The following CCDC125 variants were observed in gnomAD, a reference collection of about 807,000 sequenced individuals.
CCDC125 encodes coiled-coil domain containing 125.
In CCDC125, 43 loss-of-function variants were observed where a neutral mutation model predicts 57.4. That is an observed-to-expected ratio of 0.75 (90% confidence interval 0.59 to 0.97). The LOEUF is 0.97. CCDC125 is among the 50% of genes least tolerant of loss of function. The probability of loss-of-function intolerance (pLI) is 0.00; values close to 1 mark genes in which losing one functional copy is unlikely to be tolerated. For synonymous variants in CCDC125, 187 were observed against 195.2 expected (o/e 0.96, Z 0.35); for missense variants, 563 against 595.7 (o/e 0.95, Z 0.57).
chr5:69,282,647 A>C lies in CCDC125; in HGVS notation c.*82T>G. The C allele has an allele frequency of 8.3e-7, 1 of 1,198,144 alleles. No homozygotes were observed. Among genetic ancestry groups the C allele is most frequent in the Non-Finnish European group, 1.2e-6 (1 of 853,972 alleles). The allele number at this position is 1,198,144 out of a possible 1,614,324, so 74.2% of individuals were successfully genotyped here. ...TACCTAGGAAACATACAACTTCTCAAGATGCAGCAAAATTTACAAAATCAT... is the reference window on the plus strand; with the variant it reads ...TACCTAGGAAACATACAACTTCTCACGATGCAGCAAAATTTACAAAATCAT... On this transcript the variant is annotated 3_prime_UTR_variant, in exon 12 of 12. Coordinates refer to ENST00000396496, the MANE Select transcript of CCDC125 (RefSeq NM_176816.5).
chr5:69,288,433 G>A (rs1029527674), intron 10 of CCDC125, among the ~76,000 whole-genome samples: 13 of 152,118 alleles, frequency 8.5e-5, no homozygotes, highest in Admixed American at 6.6e-4. Context: ...TCCATGTAAT[G>A]AAGCCTCCAT....
At chr5:69,286,464 C>T (rs907056525) in intron 10 of CCDC125, among the ~76,000 whole-genome samples, 6 of 151,246 alleles carry the variant, frequency 4.0e-5, no homozygotes, top group African/African-American at 1.5e-4. Context: ...GATCTCCTGA[C>T]CTCATGATTC....
chr5:69,309,571 G>T (rs528832969), intron 4 of CCDC125: 26 of 152,392 alleles, frequency 1.7e-4, no homozygotes, highest in African/African-American at 6.3e-4. Context: ...TGTCCAGGCA[G>T]AAGTTTCCTG....
At chr5:69,319,686 T>C (rs1322410769) in intron 2 of CCDC125, among the ~76,000 whole-genome samples, 1 of 151,380 alleles carries the variant, frequency 6.6e-6, no homozygotes. Flanking sequence ...TTTCACCATG[T>C]TGGCCAGGAT....
chr5:69,316,702 GT>G (rs1490426427), intron 2 of CCDC125, among the ~76,000 whole-genome samples: 1 of 152,108 alleles, frequency 6.6e-6, no homozygotes, highest in African/African-American at 2.4e-5. Context: ...TTTGTGGAGT[GT>G]GGTCTTTCTA....
Position 69,320,309 on chromosome 5 carries a change from T to C in CCDC125, c.232A>G (p.Lys78Glu). 6.2e-7 allele frequency: 1 copy of C among 1,614,142 alleles called. No individual in the cohort carries two copies. The highest frequency in any genetic ancestry group is 8.5e-7 in the Non-Finnish European group (1 of 1,179,998). ...ERNEASFQYS[K>E]HKSQQDTFPQ... ...AATGTATCTTGCTGGCTCTTATGCT[T>C]GGAATACTGAAAACTCGCTTCATTT... Residue 78 changes from lysine to glutamate, a missense_variant, in exon 2 of 12, where the codon AAG (lysine) becomes GAG (glutamate). Coordinates refer to ENST00000396496, the MANE Select transcript of CCDC125 (RefSeq NM_176816.5).
intron 10 of CCDC125, 138 bp downstream of exon 10, chr5:69,292,050 G>T: frequency 1.3e-6 from 1 of 772,590 alleles, no homozygotes; most frequent in Non-Finnish European, 2.0e-6. Context: ...TAGTTGCTAA[G>T]TTTTTAAGTA....
chr5:69,309,891 G>A (rs1757886382), intron 4 of CCDC125: 1 of 152,316 alleles, frequency 6.6e-6, no homozygotes, highest in Non-Finnish European at 1.5e-5. Context: ...CTGGATGTGA[G>A]ACCTGGAGTC....
At chr5:69,332,542 T>C (rs948749318) in intron 1 of CCDC125, 107 bp downstream of exon 1, 9 of 152,254 alleles carry the variant, frequency 5.9e-5, no homozygotes, top group African/African-American at 2.2e-4. Context: ...GCCATTAAAC[T>C]GGCATTCAGG....
intron 1 of CCDC125, among the ~76,000 whole-genome samples, chr5:69,331,351 G>T (rs1761396052): frequency 6.6e-6 from 1 of 151,766 alleles, no homozygotes; most frequent in South Asian, 2.1e-4. Context: ...TCCTGCCTCA[G>T]CCTCCCCAGT....
intron 8 of CCDC125, among the ~76,000 whole-genome samples, chr5:69,297,631 T>G (rs1416993723): frequency 1.3e-5 from 2 of 151,300 alleles, no homozygotes; most frequent in Non-Finnish European, 2.9e-5. Context: ...AGTGCTGGGA[T>G]TACAGGCGTT....
intron 8 of CCDC125, among the ~76,000 whole-genome samples, chr5:69,295,691 C>G (rs1755193074): frequency 6.6e-6 from 1 of 152,196 alleles, no homozygotes; most frequent in African/African-American, 2.4e-5. Context: ...GCTGTTACAT[C>G]TTCAGTGTGG....
intron 10 of CCDC125, among the ~76,000 whole-genome samples, chr5:69,291,150 T>TA (rs1754391245): frequency 6.6e-6 from 1 of 152,218 alleles, no homozygotes. Context: ...TCTCAACTGA[T>TA]AAATGGTTTC....
At chr5:69,297,706 G>A (rs953920384) in intron 8 of CCDC125, among the ~76,000 whole-genome samples, 1 of 151,038 alleles carries the variant, frequency 6.6e-6, no homozygotes. Flanking sequence ...GCTCACGCCT[G>A]TAATCCCAGC....
At chr5:69,310,911 C>T (rs1758026151) in intron 4 of CCDC125, 1 of 294,998 alleles carries the variant, frequency 3.4e-6, no homozygotes, top group Non-Finnish European at 6.3e-6. Context: ...GATGGTGGTA[C>T]AACTCTTATA....
intron 1 of CCDC125, among the ~76,000 whole-genome samples, chr5:69,324,460 A>T (rs971347945): frequency 6.6e-6 from 1 of 152,226 alleles, no homozygotes; most frequent in Non-Finnish European, 1.5e-5. Flanking sequence ...TGGCAACTGC[A>T]TTCTTCAGGA....
Position 69,285,345 on chromosome 5 carries a change from T to C in CCDC125, c.1222A>G (p.Ile408Val), listed in dbSNP as rs751189977. Residue 408 changes from isoleucine (I) to valine (V), a missense_variant, in exon 11 of 12, where the codon ATA becomes GTA. Physicochemically the swap from Ile to Val is conservative, Grantham distance 29. Transcript: ENST00000396496. ...DSPQEVLKML[I>V]DLLNDKEEAL... ...AAAGCAAAGACACTAACCAAATCTATGAGCATCTTAAGGACCTCTTGAGGA... is the reference window on the plus strand; with the variant it reads ...AAAGCAAAGACACTAACCAAATCTACGAGCATCTTAAGGACCTCTTGAGGA... 3 of 1,609,364 alleles carry C rather than the reference T, an allele frequency of 1.9e-6. No homozygotes were observed. The highest frequency in any genetic ancestry group is 1.7e-5 in the Admixed American group (1 of 58,296).
rs540863708 is a variant in CCDC125 at position 69,322,969 on chromosome 5, T to G, written c.-40-2389A>C. On this transcript the variant is annotated intron_variant, in intron 1 of 11. Coordinates refer to ENST00000396496, the MANE Select transcript of CCDC125 (RefSeq NM_176816.5). ...GGCTGCAGTGAGCCATAACTGTGCC[T>G]CCACACTCCAGCTTAAGCTACAGAG... Among the ~76,000 whole-genome samples the G allele has an allele frequency of 2.6e-4, 39 of 151,740 alleles. No homozygotes were observed. In the East Asian group the frequency reaches 7.1e-3, roughly 28 times the overall value.
intron 10 of CCDC125, among the ~76,000 whole-genome samples, chr5:69,288,261 G>A (rs1753834129): frequency 1.3e-5 from 2 of 152,146 alleles, no homozygotes; most frequent in Admixed American, 6.6e-5. Context: ...CTCCTGGATA[G>A]CCTCAGGATG....
Sources: gnomAD v4.1 joint callset for allele counts (sites outside exome capture counted in the v4.1 genomes callset) on GRCh38, gnomAD v4.1.1 for gene constraint, MANE v1.5 for transcripts, NCBI Gene and HGNC (gene_info 2026-07-23, HGNC 2026-07-21) for gene names.